PSMB7: variants seen among roughly 807,000 people sequenced by gnomAD.
PSMB7 encodes the protein proteasome subunit beta type-7.
PSMB7 carries 5 observed loss-of-function variants against 28.1 expected under a neutral mutation model. The ratio of observed to expected loss-of-function variants is 0.18; its 90% CI spans 0.09 to 0.37. The LOEUF (loss-of-function observed/expected upper bound fraction) is 0.37. Among genes scored for constraint, PSMB7 ranks in the 10% least tolerant of loss-of-function variants. The pLI is 1.00. For synonymous variants in PSMB7, 122 were observed against 123.7 expected (o/e 0.99, Z 0.09); for missense variants, 275 against 346.2 (o/e 0.79, Z 1.63).
At chr9:124,376,036 G>A (rs544271707) in intron 6 of PSMB7, among the ~76,000 whole-genome samples, 2 of 152,282 alleles carry the variant, frequency 1.3e-5, no homozygotes, top group African/African-American at 4.8e-5. Flanking sequence ...GCTCAGAGTC[G>A]CACAGATGCA....
intron 5 of PSMB7, among the ~76,000 whole-genome samples, chr9:124,402,657 T>G (rs150174434): frequency 4.6e-5 from 7 of 152,284 alleles, no homozygotes; most frequent in African/African-American, 1.7e-4. Context: ...AGATCAGTGT[T>G]TGTTGAACGT....
intron 5 of PSMB7, among the ~76,000 whole-genome samples, chr9:124,395,293 C>T (rs1271145371): frequency 2.0e-5 from 3 of 151,114 alleles, no homozygotes; most frequent in South Asian, 2.1e-4. Context: ...CAGACCAGCC[C>T]GAAAAACACA....
chr9:124,412,939 C>T (rs925557326), intron 3 of PSMB7, among the ~76,000 whole-genome samples: 1 of 151,906 alleles, frequency 6.6e-6, no homozygotes, highest in Non-Finnish European at 1.5e-5. Flanking sequence ...AAAATTATAA[C>T]ACATAATTTA....
intron 6 of PSMB7, among the ~76,000 whole-genome samples, chr9:124,370,635 T>A (rs1830550892): frequency 6.6e-6 from 1 of 152,190 alleles, no homozygotes; most frequent in Non-Finnish European, 1.5e-5. Flanking sequence ...CCATATGCTT[T>A]AGATCACAAG....
intron 6 of PSMB7, among the ~76,000 whole-genome samples, chr9:124,375,321 C>T (rs1357910589): frequency 2.6e-5 from 4 of 152,052 alleles, no homozygotes; most frequent in Admixed American, 6.6e-5. Context: ...CCACCATACC[C>T]GGCTAATTTT....
intron 5 of PSMB7, among the ~76,000 whole-genome samples, chr9:124,401,737 G>A (rs1482846882): frequency 2.6e-5 from 4 of 152,194 alleles, no homozygotes; most frequent in Non-Finnish European, 5.9e-5. Flanking sequence ...AAGAGCTGAT[G>A]AGGCCGGGTG....
At chr9:124,358,848 T>G (rs1445579999) in intron 6 of PSMB7, among the ~76,000 whole-genome samples, 1 of 152,242 alleles carries the variant, frequency 6.6e-6, no homozygotes. Context: ...CTGGCAGACA[T>G]CGCGACCCTG....
rs554642317 is a variant in PSMB7, at chr9:124,371,167, A to T, written c.570+13431T>A. Among the ~76,000 whole-genome samples the T allele has an allele frequency of 2.0e-5, 3 of 152,370 alleles. No homozygotes were observed. The South Asian group carries it at 6.2e-4, about 32-fold the overall frequency. ...TTGTAATTGAGTTCTATGCTGAATT[A>T]ATCAGCAGTTTATCTTTTTTACTAA... On this transcript the variant is annotated intron_variant, in intron 6 of 7. Coordinates refer to ENST00000259457, the MANE Select transcript of PSMB7 (RefSeq NM_002799.4).
intron 6 of PSMB7, among the ~76,000 whole-genome samples, chr9:124,362,745 G>A (rs1830474729): frequency 6.6e-6 from 1 of 151,982 alleles, no homozygotes; most frequent in Non-Finnish European, 1.5e-5. Context: ...AAAAATTTGA[G>A]GTAATGCATG....
At chr9:124,394,035 T>C (rs1375767572) in intron 5 of PSMB7, among the ~76,000 whole-genome samples, 1 of 152,264 alleles carries the variant, frequency 6.6e-6, no homozygotes, top group African/African-American at 2.4e-5. Flanking sequence ...GGCAAGTCTC[T>C]TAAAGGTCCC....
intron 7 of PSMB7, among the ~76,000 whole-genome samples, chr9:124,355,995 G>A (rs964868827): frequency 2.6e-5 from 4 of 152,198 alleles, no homozygotes; most frequent in Non-Finnish European, 4.4e-5. Context: ...CTGAGTGGGA[G>A]CCGTAGTTTA....
intron 6 of PSMB7, among the ~76,000 whole-genome samples, chr9:124,363,955 C>G (rs1172291433): frequency 6.6e-6 from 1 of 152,132 alleles, no homozygotes; most frequent in African/African-American, 2.4e-5. Context: ...GACAGCGGGT[C>G]ACTCTCTGAG....
intron 4 of PSMB7, among the ~76,000 whole-genome samples, chr9:124,410,316 A>G (rs1831016618): frequency 6.6e-6 from 1 of 152,226 alleles, no homozygotes; most frequent in African/African-American, 2.4e-5. Context: ...TTCTTAAAAC[A>G]TTCTGAAGTG....
chr9:124,408,229 C>T (rs879871581), intron 4 of PSMB7, among the ~76,000 whole-genome samples: 1 of 151,954 alleles, frequency 6.6e-6, no homozygotes, highest in African/African-American at 2.4e-5. Context: ...TTTTCTCCTG[C>T]GCTACTGACG....
At chr9:124,406,497 C>CAAAAAAAAAAAAA (rs772524538) in intron 4 of PSMB7, among the ~76,000 whole-genome samples, 1 of 50,468 alleles carries the variant, frequency 2.0e-5, no homozygotes, top group Non-Finnish European at 4.3e-5. Context: ...AGAGTTGTCT[C>CAAAAAAAAAAAAA]AAAAAAAAAA....
chr9:124,365,193 G>A lies in PSMB7; in HGVS notation c.571-8278C>T, dbSNP rs1030820146. On this transcript the variant is annotated intron_variant, in intron 6 of 7. Coordinates refer to ENST00000259457, the MANE Select transcript of PSMB7 (RefSeq NM_002799.4). ...TGTGCTGAACAATGGAGACAGGCCT[G>A]AACACAGAGCCTGCCCATGAGAATT... Among the ~76,000 whole-genome samples, 3 of 152,236 alleles carry A rather than the reference G, an allele frequency of 2.0e-5. No individual in the cohort carries two copies. In the East Asian group the frequency reaches 5.8e-4, roughly 29 times the overall value.
chr9:124,389,482 A>G (rs772654838), intron 5 of PSMB7, among the ~76,000 whole-genome samples: 32 of 152,176 alleles, frequency 2.1e-4, no homozygotes, highest in Non-Finnish European at 3.7e-4. Context: ...AAGTGAGGAC[A>G]CTATGATGGC....
At chr9:124,384,248 G>C (rs1052801314) in intron 6 of PSMB7, 10 of 231,038 alleles carry the variant, frequency 4.3e-5, no homozygotes, top group South Asian at 1.7e-4. Flanking sequence ...TCTGTTCTTA[G>C]TAAGAACAGA....
At chr9:124,370,155 A>T (rs1022865010) in intron 6 of PSMB7, among the ~76,000 whole-genome samples, 1 of 152,048 alleles carries the variant, frequency 6.6e-6, no homozygotes, top group Non-Finnish European at 1.5e-5. Context: ...AGATGCCAAG[A>T]AACTTCCCCT....
Sources: gnomAD v4.1 joint callset for allele counts (sites outside exome capture counted in the v4.1 genomes callset) on GRCh38, gnomAD v4.1.1 for gene constraint, MANE v1.5 for transcripts, NCBI Gene and HGNC (gene_info 2026-07-23, HGNC 2026-07-21) for gene names.